The following KCNK2 variants were observed in gnomAD, a reference collection of about 807,000 sequenced individuals.
KCNK2 encodes potassium channel subfamily K member 2.
A neutral mutation model predicts 40.5 loss-of-function variants in KCNK2; 21 were observed. The observed-to-expected ratio is 0.52, with a 90% CI of 0.37 to 0.75. The LOEUF (loss-of-function observed/expected upper bound fraction) is 0.75. Ranked by LOEUF, KCNK2 falls within the 30% of genes least tolerant of loss-of-function variation. The probability of loss-of-function intolerance (pLI) is 0.00; values close to 1 mark genes in which losing one functional copy is unlikely to be tolerated. For synonymous variants in KCNK2, 191 were observed against 202.2 expected (o/e 0.94, Z 0.47); for missense variants, 399 against 531.6 (o/e 0.75, Z 2.45).
At chr1:215,209,414 T>TTATATATAAAATATATATTA (rs1553274163) in intron 6 of KCNK2, among the ~76,000 whole-genome samples, 1 of 25,348 alleles carries the variant, frequency 3.9e-5, no homozygotes, top group South Asian at 2.7e-3. Context: ...TATGCATATA[T>TTATATATAAAATATATATTA]TATATATAAT....
At chr1:215,136,316 C>T (rs893997413) in intron 3 of KCNK2, among the ~76,000 whole-genome samples, 1 of 151,504 alleles carries the variant, frequency 6.6e-6, no homozygotes, top group Non-Finnish European at 1.5e-5. Flanking sequence ...AGGCTTGTCT[C>T]GAACTCCTGA....
chr1:215,219,761 AGACTCATGGG>A, intron 6 of KCNK2, among the ~76,000 whole-genome samples: 1 of 152,198 alleles, frequency 6.6e-6, no homozygotes, highest in Admixed American at 6.5e-5. Context: ...ATGTGAATAC[AGACTCATGGG>A]TTTCTGCCGT....
intron 6 of KCNK2, among the ~76,000 whole-genome samples, chr1:215,201,699 T>C (rs1391402905): frequency 6.6e-6 from 1 of 152,178 alleles, no homozygotes; most frequent in Non-Finnish European, 1.5e-5. Flanking sequence ...GAAGTCCATC[T>C]CTTTATTGGG....
At chr1:215,197,760 G>A (rs2102668931) in intron 6 of KCNK2, among the ~76,000 whole-genome samples, 1 of 152,278 alleles carries the variant, frequency 6.6e-6, no homozygotes, top group East Asian at 1.9e-4. Context: ...AGCACTTTGG[G>A]AGGCCAAGGC....
intron 1 of KCNK2, among the ~76,000 whole-genome samples, chr1:215,057,792 T>G (rs555996695): frequency 6.6e-6 from 1 of 152,238 alleles, no homozygotes; most frequent in African/African-American, 2.4e-5. Context: ...TTGCACATTT[T>G]GGCTTTGCTC....
chr1:215,232,386 A>G (rs1024595807), intron 6 of KCNK2, among the ~76,000 whole-genome samples: 29 of 152,242 alleles, frequency 1.9e-4, no homozygotes, highest in African/African-American at 6.8e-4. Flanking sequence ...GTTGATGACA[A>G]TTGAGATGGA....
At chr1:215,181,838 G>C (rs12061952) in intron 5 of KCNK2, among the ~76,000 whole-genome samples, 2,210 of 152,284 alleles carry the variant, frequency 0.015, 68 homozygotes, top group African/African-American at 0.05. Context: ...TCAGTGTTTT[G>C]AGCTCTCTGC....
intron 2 of KCNK2, among the ~76,000 whole-genome samples, chr1:215,095,408 C>A (rs1360990834): frequency 2.0e-5 from 3 of 152,118 alleles, no homozygotes; most frequent in Non-Finnish European, 4.4e-5. Flanking sequence ...CCTAGAGATA[C>A]TTTGATAAAT....
At chr1:215,029,411 ATTAAT>A (rs1019811500) in intron 1 of KCNK2, among the ~76,000 whole-genome samples, 5 of 150,448 alleles carry the variant, frequency 3.3e-5, no homozygotes, top group African/African-American at 9.7e-5. Context: ...ACTTAGTGGT[ATTAAT>A]TTAAGTGTCA....
intron 1 of KCNK2, among the ~76,000 whole-genome samples, chr1:215,023,917 CT>C (rs1656901208): frequency 6.6e-6 from 1 of 152,142 alleles, no homozygotes; most frequent in South Asian, 2.1e-4. Context: ...CTTTAATGTT[CT>C]TGTCATTAGG....
chr1:215,060,291 C>A (rs796977446), intron 1 of KCNK2, among the ~76,000 whole-genome samples: 43 of 152,178 alleles, frequency 2.8e-4, no homozygotes, highest in African/African-American at 9.9e-4. Flanking sequence ...GCAGTAGGCT[C>A]CAGGAGAGAC....
At position 215,125,774 on chromosome 1, in the gene KCNK2, ATAT is replaced by A. The variant is rs1285713167; in HGVS notation, c.475+1025_475+1027del. On this transcript the variant is annotated intron_variant, in intron 3 of 6. Coordinates refer to ENST00000444842, the MANE Select transcript of KCNK2 (RefSeq NM_001017425.3). The stretch of plus-strand genomic sequence containing the variant: ...TATATATATATATATATATATATAT[ATAT>A]AAAATAAAATTTGAAAAAAAAAAAA... 2.0e-3 allele frequency among the ~76,000 whole-genome samples: 181 copies of A among 88,480 alleles called. 2 individuals are homozygous for A. The highest frequency in any genetic ancestry group is 0.012 in the Middle Eastern group (2 of 162). 58.0% of individuals were successfully genotyped at this position (88,480 alleles called of 152,430 possible).
chr1:215,172,769 G>C (rs370281905), intron 5 of KCNK2, among the ~76,000 whole-genome samples: 1 of 151,986 alleles, frequency 6.6e-6, no homozygotes, highest in Non-Finnish European at 1.5e-5. Flanking sequence ...TGATTCTCCT[G>C]TCTCAGCCTC....
At chr1:215,230,224 C>G (rs1038662251) in intron 6 of KCNK2, among the ~76,000 whole-genome samples, 2 of 149,994 alleles carry the variant, frequency 1.3e-5, no homozygotes, top group Admixed American at 6.7e-5. Context: ...TGCGCTTACA[C>G]AAACCTACAT....
At chr1:215,168,794 A>G (rs1163697560) in intron 3 of KCNK2, among the ~76,000 whole-genome samples, 1 of 152,110 alleles carries the variant, frequency 6.6e-6, no homozygotes, top group Admixed American at 6.6e-5. Context: ...GGTGCAGCAA[A>G]CCATCATGGC....
chr1:215,054,525 G>A (rs975315282), intron 1 of KCNK2, among the ~76,000 whole-genome samples: 3 of 152,116 alleles, frequency 2.0e-5, no homozygotes, highest in Non-Finnish European at 2.9e-5. Flanking sequence ...TGAGATTTTC[G>A]ATTCTCCGGT....
At chr1:215,027,248 C>G (rs982348299) in intron 1 of KCNK2, among the ~76,000 whole-genome samples, 1 of 152,080 alleles carries the variant, frequency 6.6e-6, no homozygotes, top group Non-Finnish European at 1.5e-5. Context: ...ATTTCCTTAT[C>G]TCACTGTTTT....
chr1:215,231,027 G>A (rs1007187560), intron 6 of KCNK2, among the ~76,000 whole-genome samples: 8 of 152,090 alleles, frequency 5.3e-5, no homozygotes, highest in African/African-American at 1.9e-4. Context: ...GAAGCACTCG[G>A]CTCTACATGT....
In KCNK2 at chr1:215,236,800, G is replaced by A. The variant is rs1666917498; in HGVS notation, c.*1655G>A. 6.6e-6 allele frequency: 1 copy of A among 151,894 alleles called. No individual in the cohort carries two copies. Among genetic ancestry groups the A allele is most frequent in the East Asian group, 1.9e-4 (1 of 5,180 alleles). The allele number at this position is 151,894 out of a possible 1,614,324, so 9.4% of individuals were successfully genotyped here. ...GCTGTATCTGAATAAGTGGCATTCA[G>A]ATTAGGGTCTTGAAAAATAAACCCA... On this transcript the variant is annotated 3_prime_UTR_variant, in exon 7 of 7. Transcript: ENST00000444842.
Sources: allele counts gnomAD v4.1 joint callset (sites outside exome capture counted in the v4.1 genomes callset), GRCh38; gene constraint gnomAD v4.1.1; transcripts MANE v1.5; gene names NCBI Gene and HGNC (gene_info 2026-07-23, HGNC 2026-07-21).